The following IQANK1 variants were observed in gnomAD, a reference collection of about 807,000 sequenced individuals.
The protein encoded by IQANK1 is IQ motif and ankyrin repeat containing 1, also known as IQ motif and ankyrin repeat domain-containing protein 1.
A neutral mutation model predicts 22.6 loss-of-function variants in IQANK1; 30 were observed. That is an observed-to-expected ratio of 1.33 (90% CI 0.99 to 1.80). The LOEUF (loss-of-function observed/expected upper bound fraction) is 1.80, where lower values mean the gene tolerates loss of function less well. Ranked by LOEUF, IQANK1 falls within the 40% of genes most tolerant of loss-of-function variation. IQANK1 has a pLI of 0.00. For missense variants in IQANK1, 275 were observed against 235.2 expected (o/e 1.17, Z -1.11); for synonymous variants, 122 against 99.6 (o/e 1.23, Z -1.34).
At chr8:143,782,698 A>C (rs1554631063) in intron 7 of IQANK1, among the ~76,000 whole-genome samples, 1 of 152,118 alleles carries the variant, frequency 6.6e-6, no homozygotes, top group African/African-American at 2.4e-5. Context: ...GCTGGTCTCA[A>C]ACTCCTGACC....
intron 7 of IQANK1, among the ~76,000 whole-genome samples, chr8:143,784,633 CA>C (rs2129947147): frequency 6.6e-6 from 1 of 152,288 alleles, no homozygotes; most frequent in Non-Finnish European, 1.5e-5. Context: ...TGAGGGTTAA[CA>C]GGGGGCTTCT....
chr8:143,775,787 TACACACACACAC>T (rs35665050), intron 7 of IQANK1, among the ~76,000 whole-genome samples: 7 of 129,504 alleles, frequency 5.4e-5, no homozygotes, highest in South Asian at 2.5e-4. Flanking sequence ...ATAGCTGTAT[TACACACACACAC>T]ACACACACAC....
intron 3 of IQANK1, among the ~76,000 whole-genome samples, chr8:143,750,130 C>T (rs548575146): frequency 6.6e-6 from 1 of 152,014 alleles, no homozygotes; most frequent in East Asian, 1.9e-4. Flanking sequence ...TCTCAAGTAG[C>T]TGGGATTACA....
rs541636193 is a variant in IQANK1, at chr8:143,743,115, G to A, written c.175+3167G>A. On this transcript the variant is annotated intron_variant, in intron 3 of 13. Transcript: ENST00000527139. ...GCTCTGCAGGGTAGCCACCGGGCAC[G>A]GCCTTGCCAGGCTGACGTCGAGGAA... The A allele has an allele frequency of 1.7e-3, 753 of 438,614 alleles. 13 individuals are homozygous for A. The highest frequency in any genetic ancestry group is 0.012 in the South Asian group (743 of 63,790). The allele number at this position is 438,614 out of a possible 1,614,324, so 27.2% of individuals were successfully genotyped here.
At chr8:143,747,033 C>G (rs1554627281) in intron 3 of IQANK1, among the ~76,000 whole-genome samples, 1 of 152,150 alleles carries the variant, frequency 6.6e-6, no homozygotes, top group East Asian at 1.9e-4. Flanking sequence ...GTGCCCACCA[C>G]CACGCCCGGC....
Position 143,751,658 on chromosome 8 carries a change from G to GTA in IQANK1, c.175+11711_175+11712insAT, listed in dbSNP as rs1325258601. ...TGTGTGTGTGTGTGTGTGTGTGTGTGTGTGTGTATATATATATATAAAATC... is the reference window on the plus strand; with the variant it reads ...TGTGTGTGTGTGTGTGTGTGTGTGTGTATGTGTGTATATATATATATAAAATC... On this transcript the variant is annotated intron_variant, in intron 3 of 13. Coordinates refer to ENST00000527139, the MANE Select transcript of IQANK1 (RefSeq NM_001381874.1). 3.9e-3 allele frequency among the ~76,000 whole-genome samples: 153 copies of GTA among 38,836 alleles called. 1 individual carries two copies. The highest frequency in any genetic ancestry group is 7.0e-3 in the African/African-American group (143 of 20,516). The allele number at this position is 38,836 out of a possible 152,430, so 25.5% of individuals were successfully genotyped here.
At chr8:143,748,390 T>C (rs1554627472) in intron 3 of IQANK1, among the ~76,000 whole-genome samples, 2 of 149,238 alleles carry the variant, frequency 1.3e-5, no homozygotes, top group Non-Finnish European at 3.0e-5. Flanking sequence ...GTAAAACTAT[T>C]TCTCCCTTCA....
At chr8:143,737,191 T>C (rs1038010835) in intron 2 of IQANK1, among the ~76,000 whole-genome samples, 6 of 152,188 alleles carry the variant, frequency 3.9e-5, no homozygotes, top group Admixed American at 1.3e-4. Context: ...CTGAGTACAC[T>C]GCACTCCAAT....
At chr8:143,786,561 A>G (rs1819893122) in intron 7 of IQANK1, among the ~76,000 whole-genome samples, 1 of 152,234 alleles carries the variant, frequency 6.6e-6, no homozygotes, top group South Asian at 2.1e-4. Flanking sequence ...ATGCTAATGT[A>G]CGAATTAGCT....
In IQANK1 at chr8:143,771,390, C is replaced by G. The variant is rs56363110; in HGVS notation, c.176-98C>G. 112,660 of 338,424 alleles carry G rather than the reference C, an allele frequency of 0.33. 20,028 individuals carry two copies. Among genetic ancestry groups the G allele is most frequent in the African/African-American group, 0.67 (27,649 of 41,444 alleles). The allele number at this position is 338,424 out of a possible 1,614,324, so 21.0% of individuals were successfully genotyped here. A position where few individuals can be genotyped will look rare whatever the true frequency, so the allele number is the denominator to read the frequency against. ...TTGAGAGCCGTTTGGGTCCTTCTGT[C>G]GGGGCGGGGGCGGGGGCGGGGCCGG... On this transcript the variant is annotated intron_variant, in intron 3 of 13. Transcript: ENST00000527139. The surrounding 1 kb of genome is among the most constrained non-coding windows in gnomAD (Gnocchi z 6.0).
intron 7 of IQANK1, among the ~76,000 whole-genome samples, chr8:143,786,782 C>T (rs1289790959): frequency 2.0e-5 from 3 of 152,258 alleles, no homozygotes; most frequent in East Asian, 3.9e-4. Context: ...GAGAAGGTGG[C>T]ATACAAGGGA....
intron 9 of IQANK1, 93 bp downstream of exon 9, chr8:143,789,336 A>G: frequency 1.9e-6 from 1 of 532,656 alleles, no homozygotes; most frequent in Non-Finnish European, 2.9e-6. Flanking sequence ...AGCTGGGGGA[A>G]GAGCCAGGAG....
At chr8:143,734,723 G>A (rs1818678451) in intron 1 of IQANK1, among the ~76,000 whole-genome samples, 1 of 151,890 alleles carries the variant, frequency 6.6e-6, no homozygotes, top group African/African-American at 2.4e-5. Flanking sequence ...GAGCACAGGG[G>A]ACCTCCCTCA....
intron 7 of IQANK1, among the ~76,000 whole-genome samples, chr8:143,785,394 C>T (rs962431435): frequency 2.5e-4 from 38 of 150,162 alleles, no homozygotes; most frequent in African/African-American, 9.1e-4. Flanking sequence ...GTAGCTGGGA[C>T]TACCAGTGTG....
chr8:143,779,940 C>T (rs1215344827), intron 7 of IQANK1, among the ~76,000 whole-genome samples: 2 of 152,000 alleles, frequency 1.3e-5, no homozygotes, highest in African/African-American at 4.8e-5. Flanking sequence ...TCTAGTTATC[C>T]ATTCATCCCT....
At chr8:143,767,049 C>A (rs1819494114) in intron 3 of IQANK1, among the ~76,000 whole-genome samples, 1 of 152,262 alleles carries the variant, frequency 6.6e-6, no homozygotes, top group Non-Finnish European at 1.5e-5. Context: ...ATCGCACTGT[C>A]TTCACCGACA....
intron 3 of IQANK1, among the ~76,000 whole-genome samples, chr8:143,761,567 C>G (rs1819398353): frequency 6.6e-6 from 1 of 152,116 alleles, no homozygotes; most frequent in Admixed American, 6.6e-5. Flanking sequence ...CCCAGGAGTT[C>G]GAGACCAACC....
At chr8:143,740,970 C>T (rs147450295) in intron 3 of IQANK1, among the ~76,000 whole-genome samples, 2 of 152,310 alleles carry the variant, frequency 1.3e-5, no homozygotes, top group South Asian at 2.1e-4. Context: ...TGAGAGGAAG[C>T]ACGGAACACA....
intron 3 of IQANK1, among the ~76,000 whole-genome samples, chr8:143,763,626 C>T (rs1819434667): frequency 6.6e-6 from 1 of 152,246 alleles, no homozygotes; most frequent in Non-Finnish European, 1.5e-5. Context: ...CTTGCTCTGC[C>T]ACTTGCCATG....
Sources: gnomAD v4.1 joint callset for allele counts (sites outside exome capture counted in the v4.1 genomes callset) on GRCh38, gnomAD v4.1.1 for gene constraint, Gnocchi (gnomAD v3.1) non-coding constraint, MANE v1.5 for transcripts, NCBI Gene and HGNC (gene_info 2026-07-23, HGNC 2026-07-21) for gene names.